Variants in THADA observed in about 807,000 individuals in gnomAD.
The protein encoded by THADA is THADA armadillo repeat containing.
A neutral mutation model predicts 219.8 loss-of-function variants in THADA; 213 were observed. The ratio of observed to expected loss-of-function variants is 0.97; its 90% CI spans 0.87 to 1.09. The LOEUF is 1.09. THADA is among the 50% of genes least tolerant of loss of function. The pLI, the probability that THADA is intolerant of heterozygous loss-of-function variation, is 0.00. For synonymous variants in THADA, 1,018 were observed against 828.9 expected (o/e 1.23, Z -3.92); for missense variants, 2,956 against 2,311.3 (o/e 1.28, Z -5.72).
chr2:43,399,720 C>T (rs1191686746), intron 28 of THADA, among the ~76,000 whole-genome samples: 2 of 152,114 alleles, frequency 1.3e-5, no homozygotes, highest in Non-Finnish European at 2.9e-5. Flanking sequence ...TCCCACAACT[C>T]ATCCTGGACA....
At chr2:43,562,040 T>C (rs1698129980) in intron 15 of THADA, among the ~76,000 whole-genome samples, 3 of 152,220 alleles carry the variant, frequency 2.0e-5, no homozygotes, top group African/African-American at 7.2e-5. Context: ...ATGTGGTGTA[T>C]TACATTGACT....
At chr2:43,558,370 T>C (rs75294777) in intron 16 of THADA, among the ~76,000 whole-genome samples, 3,085 of 152,290 alleles carry the variant, frequency 0.02, 114 homozygotes, top group African/African-American at 0.071. Context: ...TATAATATTG[T>C]GATGGTTAAT....
chr2:43,333,599 C>T (rs1666047609), intron 30 of THADA, among the ~76,000 whole-genome samples: 1 of 151,988 alleles, frequency 6.6e-6, no homozygotes, highest in Non-Finnish European at 1.5e-5. Context: ...CAAAACATAA[C>T]CCCTAGCAAT....
At chr2:43,272,796 T>A (rs1185385902) in intron 36 of THADA, among the ~76,000 whole-genome samples, 2 of 151,896 alleles carry the variant, frequency 1.3e-5, no homozygotes, top group East Asian at 1.9e-4. Flanking sequence ...GGCTAATTTT[T>A]AAATTTTTTT....
At chr2:43,316,157 C>T (rs2104451226) in intron 31 of THADA, among the ~76,000 whole-genome samples, 1 of 152,292 alleles carries the variant, frequency 6.6e-6, no homozygotes, top group East Asian at 1.9e-4. Flanking sequence ...GAATCCCTAC[C>T]CACTGTCAAA....
At chr2:43,404,596 C>T (rs922240103) in intron 28 of THADA, among the ~76,000 whole-genome samples, 9 of 152,120 alleles carry the variant, frequency 5.9e-5, no homozygotes, top group African/African-American at 1.9e-4. Context: ...TTTAGCTCTC[C>T]CATAGCAGCC....
rs1443235071 is a variant in THADA, at chr2:43,292,236, ATCCGC to A, written c.4819-19_4819-15del. On this transcript the variant is annotated splice_polypyrimidine_tract_variant and intron_variant, in intron 32 of 37. Transcript: ENST00000405975. ...AATTTTCAGTATCTGTGTAAGCCAAATCCGCACACAAAAAAGAGAAATAAATACTC... is the reference window on the plus strand; with the variant it reads ...AATTTTCAGTATCTGTGTAAGCCAAAACACAAAAAAGAGAAATAAATACTC... The A allele has an allele frequency of 1.3e-6, 2 of 1,507,252 alleles. No homozygotes were observed. The highest frequency in any genetic ancestry group is 1.2e-5 in the South Asian group (1 of 82,068). The allele number at this position is 1,507,252 out of a possible 1,614,324, so 93.4% of individuals were successfully genotyped here.
At chr2:43,566,286 CG>C in intron 15 of THADA, 1 of 521,840 alleles carries the variant, frequency 1.9e-6, no homozygotes, top group East Asian at 3.2e-5. Context: ...ATGAAACAGA[CG>C]GCATGTAAAG....
At chr2:43,515,268 A>AT (rs1691477508) in intron 22 of THADA, among the ~76,000 whole-genome samples, 2 of 73,554 alleles carry the variant, frequency 2.7e-5, no homozygotes, top group African/African-American at 1.1e-4. Flanking sequence ...TATATAATAT[A>AT]TAATATATAA....
chr2:43,251,152 C>T (rs1669768354), intron 36 of THADA, among the ~76,000 whole-genome samples: 1 of 152,172 alleles, frequency 6.6e-6, no homozygotes, highest in African/African-American at 2.4e-5. Context: ...CATCTGAAAT[C>T]ACCTGCATGG....
intron 25 of THADA, among the ~76,000 whole-genome samples, chr2:43,491,672 T>C (rs772932264): frequency 1.1e-4 from 16 of 152,210 alleles, no homozygotes; most frequent in Non-Finnish European, 1.6e-4. Context: ...TAATAAGCTA[T>C]ATCATACAAC....
intron 22 of THADA, among the ~76,000 whole-genome samples, chr2:43,524,112 G>A (rs1174407004): frequency 6.6e-6 from 1 of 152,162 alleles, no homozygotes; most frequent in Non-Finnish European, 1.5e-5. Flanking sequence ...TTATGCACAG[G>A]CAAGCAATGA....
chr2:43,405,208 G>A (rs1007196274), intron 28 of THADA, among the ~76,000 whole-genome samples: 6 of 152,108 alleles, frequency 3.9e-5, no homozygotes, highest in African/African-American at 1.2e-4. Context: ...CGACTCTACC[G>A]CTATTATACT....
At chr2:43,393,914 G>A (rs1673710830) in intron 29 of THADA, among the ~76,000 whole-genome samples, 1 of 152,100 alleles carries the variant, frequency 6.6e-6, no homozygotes, top group Non-Finnish European at 1.5e-5. Context: ...CCTTCCTCAT[G>A]ATTGGTGGCC....
At chr2:43,255,911 A>G (rs1670259634) in intron 36 of THADA, among the ~76,000 whole-genome samples, 2 of 152,200 alleles carry the variant, frequency 1.3e-5, no homozygotes, top group Non-Finnish European at 2.9e-5. Flanking sequence ...TGACGTGTGT[A>G]GCCCTCAAAC....
rs531441594 is a variant in THADA at position 43,499,729 on chromosome 2, A to AT, written c.3622-775dup. ...TTCAAGCACATTAAACACTGGTCAA[A>AT]TTTTTTTTTTTAAATATTTTGAAGA... On this transcript the variant is annotated intron_variant, in intron 24 of 37. Transcript: ENST00000405975. 1.4e-4 allele frequency among the ~76,000 whole-genome samples: 21 copies of AT among 149,156 alleles called. No individual in the cohort carries two copies. In the East Asian group the frequency reaches 2.0e-3, roughly 14 times the overall value.
chr2:43,573,804 T>C (rs923369735), intron 11 of THADA, among the ~76,000 whole-genome samples: 1 of 152,212 alleles, frequency 6.6e-6, no homozygotes, highest in Admixed American at 6.5e-5. Flanking sequence ...TGAATTATGC[T>C]TGAATGCAGT....
intron 36 of THADA, among the ~76,000 whole-genome samples, chr2:43,242,585 A>C (rs761265722): frequency 2.0e-5 from 3 of 152,020 alleles, no homozygotes; most frequent in Non-Finnish European, 2.9e-5. Flanking sequence ...TCCATCTCCC[A>C]GGTCAAGCCA....
chr2:43,453,402 T>C (rs963791841), intron 26 of THADA, among the ~76,000 whole-genome samples: 2 of 152,240 alleles, frequency 1.3e-5, no homozygotes, highest in Admixed American at 1.3e-4. Flanking sequence ...AGCCAGCATT[T>C]GGTAGAGTTG....
Sources: gnomAD v4.1 joint callset for allele counts (sites outside exome capture counted in the v4.1 genomes callset) on GRCh38, gnomAD v4.1.1 for gene constraint, MANE v1.5 for transcripts, NCBI Gene and HGNC (gene_info 2026-07-23, HGNC 2026-07-21) for gene names.